Variants in COX7B2 observed in about 807,000 individuals in gnomAD.
COX7B2 encodes cytochrome c oxidase subunit 7B2, also known as cytochrome c oxidase subunit 7B2, mitochondrial.
For synonymous variants in COX7B2, 37 were observed against 32.1 expected (o/e 1.15, Z -0.51); for missense variants, 109 against 95.9 (o/e 1.14, Z -0.57).
At chr4:46,908,203 T>A (rs963290785) in intron 1 of COX7B2, among the ~76,000 whole-genome samples, 4 of 152,068 alleles carry the variant, frequency 2.6e-5, no homozygotes, top group African/African-American at 7.2e-5. Flanking sequence ...ACTAAACATT[T>A]CCTGCAAATA....
chr4:46,782,012 T>A (rs1363461702), intron 2 of COX7B2, among the ~76,000 whole-genome samples: 1 of 152,132 alleles, frequency 6.6e-6, no homozygotes, highest in Non-Finnish European at 1.5e-5. Flanking sequence ...TGGCACCTGG[T>A]CGCACTGACC....
intron 2 of COX7B2, among the ~76,000 whole-genome samples, chr4:46,760,791 A>G (rs556494277): frequency 6.6e-6 from 1 of 152,362 alleles, no homozygotes; most frequent in Non-Finnish European, 1.5e-5. Flanking sequence ...CAGTGAATAC[A>G]TTTAATGGCA....
chr4:46,826,791 A>G (rs917860519), intron 2 of COX7B2, among the ~76,000 whole-genome samples: 2 of 152,194 alleles, frequency 1.3e-5, no homozygotes, highest in African/African-American at 4.8e-5. Context: ...GTTCTCACGT[A>G]TAAGTGGAAG....
At chr4:46,904,924 G>A (rs996474193) in intron 1 of COX7B2, among the ~76,000 whole-genome samples, 4 of 152,150 alleles carry the variant, frequency 2.6e-5, no homozygotes, top group Non-Finnish European at 5.9e-5. Context: ...AACACATTAG[G>A]TATGCATAGT....
chr4:46,885,620 T>G (rs1187903768), intron 1 of COX7B2, among the ~76,000 whole-genome samples: 2 of 152,138 alleles, frequency 1.3e-5, no homozygotes. Context: ...GACATAAATA[T>G]GAACAAGATA....
At chr4:46,844,493 T>C (rs953088754) in intron 2 of COX7B2, among the ~76,000 whole-genome samples, 3 of 151,968 alleles carry the variant, frequency 2.0e-5, no homozygotes, top group Non-Finnish European at 2.9e-5. Flanking sequence ...CGGAAGCATA[T>C]AAATATACAA....
At chr4:46,788,777 AAAAC>A (rs1310608172) in intron 2 of COX7B2, among the ~76,000 whole-genome samples, 1 of 152,218 alleles carries the variant, frequency 6.6e-6, no homozygotes, top group Non-Finnish European at 1.5e-5. Flanking sequence ...CTATAGGAAA[AAAAC>A]AAACAGAGAA....
At chr4:46,828,792 A>T (rs1332947365) in intron 2 of COX7B2, among the ~76,000 whole-genome samples, 1 of 152,200 alleles carries the variant, frequency 6.6e-6, no homozygotes, top group Admixed American at 6.5e-5. Flanking sequence ...ATACACATGA[A>T]GTCTTGTCTA....
intron 1 of COX7B2, among the ~76,000 whole-genome samples, chr4:46,865,382 A>G (rs1339645074): frequency 1.3e-5 from 2 of 152,184 alleles, no homozygotes; most frequent in Admixed American, 1.3e-4. Context: ...TTGGTTCCAC[A>G]TCTTTGTAAC....
rs563264891 is a variant in COX7B2 at position 46,885,964 on chromosome 4, T to C, written c.-105+23196A>G. On this transcript the variant is annotated intron_variant, in intron 1 of 2. Coordinates refer to ENST00000355591, the MANE Select transcript of COX7B2 (RefSeq NM_130902.3). Reference sequence around the variant, plus strand: ...TAGAATAAATGTATTGAATCAACTATTGAAAATTTCACCATGCAGACATTT... The same window carrying C: ...TAGAATAAATGTATTGAATCAACTACTGAAAATTTCACCATGCAGACATTT... Among the ~76,000 whole-genome samples the C allele has an allele frequency of 1.6e-4, 24 of 152,224 alleles. No individual in the cohort carries two copies. The East Asian group carries it at 4.1e-3, about 26-fold the overall frequency.
At chr4:46,751,681 A>AT (rs1715389334) in intron 2 of COX7B2, among the ~76,000 whole-genome samples, 1 of 151,942 alleles carries the variant, frequency 6.6e-6, no homozygotes, top group South Asian at 2.1e-4. Context: ...TAGGAAAGTG[A>AT]TTTTATATTA....
intron 2 of COX7B2, among the ~76,000 whole-genome samples, chr4:46,760,104 G>A (rs530189034): frequency 2.0e-5 from 3 of 152,044 alleles, no homozygotes; most frequent in African/African-American, 7.2e-5. Flanking sequence ...ATCTATATGT[G>A]GAAGGAAAAG....
At chr4:46,767,268 A>G (rs993153358) in intron 2 of COX7B2, among the ~76,000 whole-genome samples, 1 of 152,208 alleles carries the variant, frequency 6.6e-6, no homozygotes, top group Admixed American at 6.5e-5. Flanking sequence ...AAGACAAACA[A>G]TGTTACTATA....
At chr4:46,787,776 T>C (rs1380874260) in intron 2 of COX7B2, among the ~76,000 whole-genome samples, 1 of 152,202 alleles carries the variant, frequency 6.6e-6, no homozygotes, top group Non-Finnish European at 1.5e-5. Flanking sequence ...AATTCTGTAA[T>C]GGTTCACAGC....
Position 46,776,712 on chromosome 4 carries a change from C to T in COX7B2, c.-49-41471G>A, listed in dbSNP as rs143162513. Among the ~76,000 whole-genome samples the T allele has an allele frequency of 1.7e-3, 253 of 152,212 alleles. 1 individual carries two copies. The highest frequency in any genetic ancestry group is 0.015 in the Admixed American group (231 of 15,272). On this transcript the variant is annotated intron_variant, in intron 2 of 2. Transcript: ENST00000355591. ...TTCAGCCATTTTATTTCAGCAGCTA[C>T]AGATGGAACAATAAGATAAACCCTT... is the stretch of plus-strand genomic sequence containing the variant.
chr4:46,840,018 A>C (rs1314444886), intron 2 of COX7B2, among the ~76,000 whole-genome samples: 2 of 152,050 alleles, frequency 1.3e-5, no homozygotes, highest in African/African-American at 4.8e-5. Flanking sequence ...AAAGGCTTCA[A>C]CACAACCTGA....
chr4:46,805,418 G>A (rs1185398926), intron 2 of COX7B2, among the ~76,000 whole-genome samples: 1 of 152,248 alleles, frequency 6.6e-6, no homozygotes, highest in Non-Finnish European at 1.5e-5. Context: ...CTACTTATGT[G>A]TGTGTGAGAC....
intron 1 of COX7B2, among the ~76,000 whole-genome samples, chr4:46,875,920 G>A (rs554118426): frequency 1.3e-5 from 2 of 151,984 alleles, no homozygotes; most frequent in South Asian, 2.1e-4. Flanking sequence ...ATAGCCCACC[G>A]GTCTTACTTT....
chr4:46,876,989 A>C (rs910583291), intron 1 of COX7B2, among the ~76,000 whole-genome samples: 1 of 152,216 alleles, frequency 6.6e-6, no homozygotes, highest in African/African-American at 2.4e-5. Context: ...TCATATTATC[A>C]CTTTGAGTTC....
Sources: gnomAD v4.1 joint callset for allele counts (sites outside exome capture counted in the v4.1 genomes callset) on GRCh38, gnomAD v4.1.1 for gene constraint, MANE v1.5 for transcripts, NCBI Gene and HGNC (gene_info 2026-07-23, HGNC 2026-07-21) for gene names.